NAV2: variants seen among roughly 807,000 people sequenced by gnomAD.
The protein encoded by NAV2 is helicase, APC down-regulated 1.
A neutral mutation model predicts 223.2 loss-of-function variants in NAV2; 54 were observed. The ratio of observed to expected loss-of-function variants is 0.24; its 90% CI spans 0.19 to 0.30. The LOEUF is 0.30. Among genes scored for constraint, NAV2 ranks in the 10% least tolerant of loss-of-function variants. The probability of loss-of-function intolerance (pLI) is 1.00; values close to 1 mark genes in which losing one functional copy is unlikely to be tolerated. For missense variants in NAV2, 2,806 were observed against 3,147.5 expected, an observed-to-expected ratio of 0.89 and a Z score of 2.60; for synonymous variants, 1,279 against 1,239.3, an observed-to-expected ratio of 1.03 and a Z score of -0.67.
intron 1 of NAV2, among the ~76,000 whole-genome samples, chr11:19,418,609 G>A (rs1401370273): frequency 6.6e-6 from 1 of 152,222 alleles, no homozygotes; most frequent in African/African-American, 2.4e-5. Context: ...GCACATTTAA[G>A]GAACTGAAAG....
At chr11:19,864,192 C>G (rs912213306) in intron 3 of NAV2, among the ~76,000 whole-genome samples, 1 of 152,178 alleles carries the variant, frequency 6.6e-6, no homozygotes, top group Non-Finnish European at 1.5e-5. Context: ...TGGAGATTTC[C>G]CAAGGGGCTT....
At chr11:19,604,211 A>T (rs2046423422) in intron 1 of NAV2, among the ~76,000 whole-genome samples, 1 of 152,150 alleles carries the variant, frequency 6.6e-6, no homozygotes, top group Admixed American at 6.6e-5. Context: ...GTTACTCTAG[A>T]GGCTGTGAGA....
At chr11:19,450,577 C>T (rs1851756660) in intron 1 of NAV2, among the ~76,000 whole-genome samples, 1 of 152,174 alleles carries the variant, frequency 6.6e-6, no homozygotes, top group Non-Finnish European at 1.5e-5. Flanking sequence ...TGCCATTTCC[C>T]AGCTGACAAA....
intron 1 of NAV2, among the ~76,000 whole-genome samples, chr11:19,698,771 C>T (rs1241796032): frequency 6.6e-6 from 1 of 152,192 alleles, no homozygotes; most frequent in African/African-American, 2.4e-5. Context: ...GCCTTCCCAC[C>T]AGATGCAAGC....
intron 1 of NAV2, among the ~76,000 whole-genome samples, chr11:19,630,350 G>A (rs2047307800): frequency 6.6e-6 from 1 of 152,168 alleles, no homozygotes; most frequent in African/African-American, 2.4e-5. Flanking sequence ...CTGACACTGA[G>A]AAGGTCATTT....
At chr11:19,365,674 TG>T (rs1174182960) in intron 1 of NAV2, among the ~76,000 whole-genome samples, 2 of 152,222 alleles carry the variant, frequency 1.3e-5, no homozygotes, top group Non-Finnish European at 2.9e-5. Context: ...GTCTCAGATT[TG>T]TTTTCTACCC....
In NAV2 at chr11:19,880,078, C is replaced by G. The variant is rs370623416; in HGVS notation, c.721C>G (p.Gln241Glu). 19 of 1,611,080 alleles carry G rather than the reference C, an allele frequency of 1.2e-5. No individual in the cohort carries two copies. Among genetic ancestry groups the G allele is most frequent in the African/African-American group, 1.1e-4 (8 of 74,876 alleles). ...VTPQAPCQPH[Q>E]PAPHQQSKAQ... is the part of the protein sequence containing the mutation. The stretch of plus-strand genomic sequence containing the variant: ...TCCCCAAGCCCCGTGCCAGCCTCAC[C>G]AGCCAGCGCCACATCAGCAGTCAAA... Residue 241 changes from glutamine to glutamate, a missense_variant, in exon 5 of 38, where the codon CAG becomes GAG. Physicochemically the swap from Gln to Glu is conservative, Grantham distance 29 (BLOSUM62 2). This residue lies in a region of NAV2 where 1,167 missense variants were observed against 1,180.5 expected (regional missense o/e 0.99). Transcript: ENST00000349880.
Position 20,102,469 on chromosome 11 carries a change from A to G in NAV2, c.6418-786A>G, listed in dbSNP as rs142592587. Among the ~76,000 whole-genome samples, 74 of 152,240 alleles carry G rather than the reference A, an allele frequency of 4.9e-4. No individual in the cohort carries two copies. In the East Asian group the frequency reaches 0.011, roughly 22 times the overall value. ...CTCAGGCCAGGCACCTTATCATACC[A>G]TGCCTCAGCTTCTCCTTCTGTAAAA... On this transcript the variant is annotated intron_variant, in intron 32 of 37. Transcript: ENST00000349880.
chr11:19,531,666 A>G (rs1485652956), intron 1 of NAV2, among the ~76,000 whole-genome samples: 3 of 152,176 alleles, frequency 2.0e-5, no homozygotes, highest in African/African-American at 2.4e-5. Context: ...AAATGGACTC[A>G]TTTGTGTTTG....
At chr11:19,485,412 C>T (rs1177624961) in intron 1 of NAV2, among the ~76,000 whole-genome samples, 1 of 152,100 alleles carries the variant, frequency 6.6e-6, no homozygotes, top group Non-Finnish European at 1.5e-5. Context: ...TCATCTCTAC[C>T]CTCTCTTCTA....
intron 1 of NAV2, among the ~76,000 whole-genome samples, chr11:19,675,285 T>C (rs573204334): frequency 1.3e-5 from 2 of 152,358 alleles, no homozygotes; most frequent in African/African-American, 4.8e-5. Flanking sequence ...GTAGGTATTA[T>C]TCCTTTTTCC....
chr11:19,679,982 A>C (rs1256571009), intron 1 of NAV2, among the ~76,000 whole-genome samples: 1 of 152,202 alleles, frequency 6.6e-6, no homozygotes, highest in East Asian at 1.9e-4. Flanking sequence ...GTTGGGGGCC[A>C]AGGCACCTGG....
At chr11:19,645,533 T>C (rs2047792107) in intron 1 of NAV2, among the ~76,000 whole-genome samples, 1 of 151,964 alleles carries the variant, frequency 6.6e-6, no homozygotes, top group Admixed American at 6.6e-5. Flanking sequence ...CTGGTATAGG[T>C]TTGGGGTGAT....
chr11:19,570,591 T>C (rs1173552193), intron 1 of NAV2, among the ~76,000 whole-genome samples: 1 of 152,136 alleles, frequency 6.6e-6, no homozygotes, highest in Non-Finnish European at 1.5e-5. Flanking sequence ...AAGACCTGAT[T>C]AAAATAAATA....
At chr11:19,758,523 G>A (rs566938479) in intron 1 of NAV2, among the ~76,000 whole-genome samples, 26 of 152,246 alleles carry the variant, frequency 1.7e-4, no homozygotes, top group South Asian at 1.0e-3. Context: ...GAGGCAGTGC[G>A]GGGGACCAGG....
intron 1 of NAV2, among the ~76,000 whole-genome samples, chr11:19,699,057 C>T (rs1466206755): frequency 6.6e-6 from 1 of 152,160 alleles, no homozygotes; most frequent in Non-Finnish European, 1.5e-5. Context: ...GGCAACTGGC[C>T]TAGGGCCCCC....
In NAV2 at chr11:19,897,886, T is replaced by TTATATATATA. The variant is rs10524489; in HGVS notation, c.931+5302_931+5311dup. On this transcript the variant is annotated intron_variant, in intron 6 of 37. Transcript: ENST00000349880. ...GCCACAGCTGTGCCTGACCTGTGATTTATATATATATATATATATGTGAGC... is the reference window on the plus strand; with the variant it reads ...GCCACAGCTGTGCCTGACCTGTGATTTATATATATATATATATATATATATATATGTGAGC... Among the ~76,000 whole-genome samples the TTATATATATA allele has an allele frequency of 9.1e-3, 1,093 of 120,646 alleles. 84 individuals carry two copies. Among genetic ancestry groups the TTATATATATA allele is most frequent in the African/African-American group, 0.013 (373 of 29,672 alleles). 79.1% of individuals were successfully genotyped at this position (120,646 alleles called of 152,430 possible).
intron 1 of NAV2, among the ~76,000 whole-genome samples, chr11:19,753,833 G>A (rs1267418509): frequency 1.3e-5 from 2 of 152,232 alleles, no homozygotes; most frequent in Non-Finnish European, 2.9e-5. Context: ...GGCGGGTGGG[G>A]CAAAGCATCT....
rs192463194 is a variant in NAV2, at chr11:19,358,964, T to C, written c.75+7937T>C. Among the ~76,000 whole-genome samples, 74 of 152,342 alleles carry C rather than the reference T, an allele frequency of 4.9e-4. No individual in the cohort carries two copies. The South Asian group carries it at 8.1e-3, about 17-fold the overall frequency. ...TTAATTGTTTGCTGAAAGTCTCTCT[T>C]TTTCACTAGCCATTCAGTTTCATGT... On this transcript the variant is annotated intron_variant, in intron 1 of 37. Transcript: ENST00000360655.
Sources: gnomAD v4.1 joint callset for allele counts (sites outside exome capture counted in the v4.1 genomes callset) on GRCh38, gnomAD v4.1.1 for gene constraint, gnomAD v4.1.1 regional missense constraint, MANE v1.5 for transcripts, NCBI Gene and HGNC (gene_info 2026-07-23, HGNC 2026-07-21) for gene names.